Variants in ADPRHL1 observed in about 807,000 individuals in gnomAD.
The protein encoded by ADPRHL1 is inactive ADP-ribosyltransferase ARH2.
In ADPRHL1, 43 loss-of-function variants were observed where a neutral mutation model predicts 44.1. The ratio of observed to expected loss-of-function variants is 0.98; its 90% CI spans 0.76 to 1.26. The LOEUF is 1.26. Among genes scored for constraint, ADPRHL1 ranks in the 50% most tolerant of loss-of-function variants. The probability of loss-of-function intolerance (pLI) is 0.00; values close to 1 mark genes in which losing one functional copy is unlikely to be tolerated. For missense variants in ADPRHL1, 2,022 were observed against 2,496.9 expected (o/e 0.81, Z 4.05); for synonymous variants, 878 against 1,017.4 (o/e 0.86, Z 2.61).
intron 2 of ADPRHL1, among the ~76,000 whole-genome samples, chr13:113,437,919 C>T (rs1373782503): frequency 6.6e-6 from 1 of 152,230 alleles, no homozygotes; most frequent in Non-Finnish European, 1.5e-5. Context: ...GCACCTCCGC[C>T]TGCCAGGTTC....
chr13:113,404,484 C>G lies in ADPRHL1; in HGVS notation c.4798G>C (p.Val1600Leu). 1 of 1,309,150 alleles carries G rather than the reference C, an allele frequency of 7.6e-7. No homozygotes were observed. Among genetic ancestry groups the G allele is most frequent in the Non-Finnish European group, 9.6e-7 (1 of 1,036,308 alleles). 81.1% of individuals were successfully genotyped at this position (1,309,150 alleles called of 1,614,324 possible). ...GCCCATTTCTGAACCTCTCCTTGAA[C>G]CTGTTTCTGGGCCTGTCCCTGAATC... The part of the protein sequence containing the change: ...GQIQGQAQKQ[V>L]QGEVQKWAQE... Residue 1600 changes from valine (V) to leucine (L), a missense_variant, in exon 8 of 8, where the codon GTT (valine) becomes CTT (leucine). Val to Leu is a conservative substitution (Grantham distance 32). Coordinates refer to ENST00000612156, the MANE Select transcript of ADPRHL1 (RefSeq NM_001394807.1).
rs550060372 is a variant in ADPRHL1, at chr13:113,428,429, G to GC, written c.646+522dup. On this transcript the variant is annotated intron_variant, in intron 4 of 7. Coordinates refer to ENST00000612156, the MANE Select transcript of ADPRHL1 (RefSeq NM_001394807.1). ...TGAAGCTGCCTGTGCTCCCCCTGCCGCCCCCTCCCCTCTTAGACGGCACCT... is the reference window on the plus strand; with the variant it reads ...TGAAGCTGCCTGTGCTCCCCCTGCCGCCCCCCTCCCCTCTTAGACGGCACCT... Among the ~76,000 whole-genome samples the GC allele has an allele frequency of 1.3e-3, 191 of 152,206 alleles. 1 individual carries two copies. The highest frequency in any genetic ancestry group is 4.4e-3 in the African/African-American group (182 of 41,534).
rs538370141 is a variant in ADPRHL1 at position 113,405,284 on chromosome 13, C to T, written c.3998G>A (p.Arg1333Gln). Reference sequence around the variant, plus strand: ...GTGTGCCTGTAGATGGGGAGGGCCCCGCTGGTGGGTGCCACCTACCCACCC... The same window carrying T: ...GTGTGCCTGTAGATGGGGAGGGCCCTGCTGGTGGGTGCCACCTACCCACCC... ...DMGWVGGTHQRGPPHLQAHLP... is the reference protein window; with the variant it reads ...DMGWVGGTHQQGPPHLQAHLP... The change falls in exon 8 of 8, where the codon CGG becomes CAG. Residue 1333 changes from arginine (R) to glutamine (Q), a missense_variant. Coordinates refer to ENST00000612156, the MANE Select transcript of ADPRHL1 (RefSeq NM_001394807.1). 218 of 1,231,898 alleles carry T rather than the reference C, an allele frequency of 1.8e-4. No homozygotes were observed. The highest frequency in any genetic ancestry group is 1.2e-3 in the Middle Eastern group (4 of 3,210). The allele number at this position is 1,231,898 out of a possible 1,614,324, so 76.3% of individuals were successfully genotyped here.
At chr13:113,412,400 G>A (rs942551501) in intron 7 of ADPRHL1, among the ~76,000 whole-genome samples, 15 of 152,258 alleles carry the variant, frequency 9.9e-5, no homozygotes, top group South Asian at 2.1e-4. Flanking sequence ...GGATGGTCTC[G>A]ATCTCCTGAC....
intron 3 of ADPRHL1, among the ~76,000 whole-genome samples, chr13:113,432,548 T>C (rs1434357668): frequency 6.6e-6 from 1 of 152,240 alleles, no homozygotes; most frequent in East Asian, 1.9e-4. Context: ...TTGGGTCACG[T>C]GCCTTCCCTC....
At chr13:113,439,715 T>C (rs1249679382) in intron 2 of ADPRHL1, among the ~76,000 whole-genome samples, 1 of 152,236 alleles carries the variant, frequency 6.6e-6, no homozygotes. Context: ...CCTAAAGTGC[T>C]GGGATTACAG....
At chr13:113,422,478 T>C in intron 7 of ADPRHL1, 1 of 197,434 alleles carries the variant, frequency 5.1e-6, no homozygotes, top group South Asian at 1.1e-4. Context: ...CCGCAGTTAG[T>C]GTTGTTGAAG....
At position 113,406,534 on chromosome 13, in the gene ADPRHL1, C is replaced by T. The variant is rs973582111; in HGVS notation, c.2748G>A (p.Ser916=). 1.9e-4 allele frequency: 229 copies of T among 1,231,910 alleles called. No individual in the cohort carries two copies. The highest frequency in any genetic ancestry group is 2.2e-4 in the Non-Finnish European group (213 of 988,002). 76.3% of individuals were successfully genotyped at this position (1,231,910 alleles called of 1,614,324 possible). A position where few individuals can be genotyped will look rare whatever the true frequency, so the allele number is the denominator to read the frequency against. ...GCGGAGCTGCCCGTGGCCCCTGCGG[C>T]GAAGAGGCGCTGAGTCCCGCCTGCA... ...SGMQAGLSAS[S]PQGPRAAPRL... Residue 916 remains serine (S), a synonymous_variant, in exon 8 of 8, where the codon TCG becomes TCA. Transcript: ENST00000612156.
chr13:113,421,086 A>G (rs1213320864), intron 7 of ADPRHL1, among the ~76,000 whole-genome samples: 11 of 53,162 alleles, frequency 2.1e-4, no homozygotes, highest in South Asian at 6.7e-4. Context: ...GCCTATCCCC[A>G]GGACATCCCT....
rs1178084645 is a variant in ADPRHL1 at position 113,406,005 on chromosome 13, G to A, written c.3277C>T (p.Arg1093Cys). 9 of 1,232,110 alleles carry A rather than the reference G, an allele frequency of 7.3e-6. No individual in the cohort carries two copies. The highest frequency in any genetic ancestry group is 8.1e-6 in the Non-Finnish European group (8 of 988,028). 76.3% of individuals were successfully genotyped at this position (1,232,110 alleles called of 1,614,324 possible). Residue 1093 changes from arginine (R) to cysteine (C), a missense_variant, in exon 8 of 8, where the codon CGC becomes TGC. This residue lies in a region of ADPRHL1 where 1,221 missense variants were observed against 1,517.8 expected (regional missense o/e 0.80). Coordinates refer to ENST00000612156, the MANE Select transcript of ADPRHL1 (RefSeq NM_001394807.1). ...AAEEITSHDV[R>C]ENPLSSLNEP... ...TTTAATGAGGACAGTGGGTTCTCGC[G>A]AACATCATGGCTGGTGATTTCCTCG...
At chr13:113,432,934 C>G (rs1421725130) in intron 3 of ADPRHL1, among the ~76,000 whole-genome samples, 1 of 152,202 alleles carries the variant, frequency 6.6e-6, no homozygotes. Context: ...CATTACCTTT[C>G]AAAGTCAGGC....
chr13:113,425,119 T>A lies in ADPRHL1; in HGVS notation c.707A>T (p.Lys236Ile). ...TTTATTTTCTGAGTCTTTACTGATTTTCCTCTCCTCCAAATAAAATTGCCA... is the reference window on the plus strand; with the variant it reads ...TTTATTTTCTGAGTCTTTACTGATTATCCTCTCCTCCAAATAAAATTGCCA... ...AKWQFYLEER[K>I]ISKDSENKAI... Residue 236 changes from lysine to isoleucine, a missense_variant, in exon 5 of 8, where the codon AAA (lysine) becomes ATA (isoleucine). This residue lies in a region of ADPRHL1 where 437 missense variants were observed against 430.7 expected (regional missense o/e 1.01). Coordinates refer to ENST00000612156, the MANE Select transcript of ADPRHL1 (RefSeq NM_001394807.1). 2 of 1,613,658 alleles carry A rather than the reference T, an allele frequency of 1.2e-6. No homozygotes were observed. Among genetic ancestry groups the A allele is most frequent in the Non-Finnish European group, 1.7e-6 (2 of 1,179,962 alleles).
chr13:113,409,184 A>C lies in ADPRHL1; in HGVS notation c.1062-964T>G. ...TGGCTGGAGAGACAGGGTCTTTGTG[A>C]TTTGATGGTGTTTTCTGAGCCTGGG... On this transcript the variant is annotated intron_variant, in intron 7 of 7. Transcript: ENST00000612156. This position sits in a 1 kb window ranked among gnomAD's most constrained non-coding sequence, Gnocchi z 4.2. The C allele has an allele frequency of 1.8e-6, 1 of 568,326 alleles. No individual in the cohort carries two copies. The highest frequency in any genetic ancestry group is 2.2e-6 in the Non-Finnish European group (1 of 449,046). The allele number at this position is 568,326 out of a possible 1,614,324, so 35.2% of individuals were successfully genotyped here.
chr13:113,417,314 TG>T (rs1566469506), intron 7 of ADPRHL1, among the ~76,000 whole-genome samples: 1 of 151,878 alleles, frequency 6.6e-6, no homozygotes, highest in Non-Finnish European at 1.5e-5. Flanking sequence ...AGAGCCAGAG[TG>T]GGGGGTCCTG....
intron 1 of ADPRHL1, among the ~76,000 whole-genome samples, chr13:113,451,746 T>G (rs1179703549): frequency 1.3e-5 from 2 of 152,130 alleles, no homozygotes; most frequent in Non-Finnish European, 2.9e-5. Flanking sequence ...AGGTGGAGGT[T>G]GCAGTGAGCT....
chr13:113,433,633 G>A (rs1595549825), intron 3 of ADPRHL1, 109 bp downstream of exon 3: 5 of 1,469,566 alleles, frequency 3.4e-6, no homozygotes, highest in African/African-American at 1.4e-5. Flanking sequence ...TGCAGATGGC[G>A]GCAGCTCCAG....
rs1050411469 is a variant in ADPRHL1, at chr13:113,414,196, C to G, written c.1062-5976G>C. ...TGCAACTGTCTGGCTGTTCCAGGAG[C>G]CTGCTCAGAACACGGACCAGCCTCA... On this transcript the variant is annotated intron_variant, in intron 7 of 7. Coordinates refer to ENST00000612156, the MANE Select transcript of ADPRHL1 (RefSeq NM_001394807.1). 4.6e-5 allele frequency among the ~76,000 whole-genome samples: 7 copies of G among 152,314 alleles called. No individual in the cohort carries two copies. In the East Asian group the frequency reaches 1.2e-3, roughly 25 times the overall value.
At chr13:113,442,072 G>A (rs1459973109) in intron 2 of ADPRHL1, among the ~76,000 whole-genome samples, 1 of 152,262 alleles carries the variant, frequency 6.6e-6, no homozygotes, top group Non-Finnish European at 1.5e-5. Context: ...CTTGTTACAT[G>A]ACTCTGTGGG....
At position 113,407,783 on chromosome 13, in the gene ADPRHL1, C is replaced by A. The variant is rs1056751960; in HGVS notation, c.1499G>T (p.Ser500Ile). ...TATCTTCAGGATGTTTTTCACGGTG[C>A]TCTTCCCGGCCGGGTGGCCCCAGCG... ...KPRWGHPAGKSTVKNILKIFL... is the reference protein window; with the variant it reads ...KPRWGHPAGKITVKNILKIFL... Residue 500 changes from serine (S) to isoleucine (I), a missense_variant, in exon 8 of 8, where the codon AGC (serine) becomes ATC (isoleucine). Physicochemically the swap from Ser to Ile is moderately radical, Grantham distance 142 (BLOSUM62 -2). Transcript: ENST00000612156. 2.4e-6 allele frequency: 3 copies of A among 1,232,118 alleles called. No individual in the cohort carries two copies. Among genetic ancestry groups the A allele is most frequent in the Non-Finnish European group, 3.0e-6 (3 of 988,062 alleles). 76.3% of individuals were successfully genotyped at this position (1,232,118 alleles called of 1,614,324 possible).
Sources: gnomAD v4.1 joint callset for allele counts (sites outside exome capture counted in the v4.1 genomes callset) on GRCh38, gnomAD v4.1.1 for gene constraint, gnomAD v4.1.1 regional missense constraint, Gnocchi (gnomAD v3.1) non-coding constraint, MANE v1.5 for transcripts, NCBI Gene and HGNC (gene_info 2026-07-23, HGNC 2026-07-21) for gene names.